LRRC1: variants seen among roughly 807,000 people sequenced by gnomAD.
LRRC1 encodes leucine-rich repeat-containing protein 1.
In LRRC1, 28 loss-of-function variants were observed where a neutral mutation model predicts 69.9. The observed-to-expected ratio is 0.40, with a 90% CI of 0.30 to 0.55. LRRC1 has a LOEUF of 0.55. Among genes scored for constraint, LRRC1 ranks in the 20% least tolerant of loss-of-function variants. The pLI, the probability that LRRC1 is intolerant of heterozygous loss-of-function variation, is 0.47. For missense variants in LRRC1, 498 were observed against 609.0 expected, an observed-to-expected ratio of 0.82 and a Z score of 1.92; for synonymous variants, 236 against 240.2, an observed-to-expected ratio of 0.98 and a Z score of 0.16.
At chr6:53,850,281 A>G (rs1290124333) in intron 2 of LRRC1, among the ~76,000 whole-genome samples, 2 of 152,234 alleles carry the variant, frequency 1.3e-5, no homozygotes, top group Non-Finnish European at 2.9e-5. Flanking sequence ...AAGACATGAA[A>G]GAAGAAAAAG....
intron 10 of LRRC1, among the ~76,000 whole-genome samples, chr6:53,908,307 A>C (rs1581915643): frequency 1.3e-5 from 2 of 152,248 alleles, no homozygotes; most frequent in Non-Finnish European, 2.9e-5. Context: ...TTACCCAGTC[A>C]GATGAGGCAA....
At chr6:53,914,706 G>A (rs1405712068) in intron 11 of LRRC1, among the ~76,000 whole-genome samples, 1 of 152,124 alleles carries the variant, frequency 6.6e-6, no homozygotes, top group South Asian at 2.1e-4. Context: ...ACAGAAACAG[G>A]CTATTCTTTC....
At chr6:53,856,592 T>C (rs1766317207) in intron 2 of LRRC1, among the ~76,000 whole-genome samples, 1 of 152,120 alleles carries the variant, frequency 6.6e-6, no homozygotes, top group Non-Finnish European at 1.5e-5. Flanking sequence ...TGTCTGAAGG[T>C]TTGAAATAGC....
intron 10 of LRRC1, among the ~76,000 whole-genome samples, chr6:53,910,467 C>T (rs766621667): frequency 9.2e-5 from 14 of 152,166 alleles, no homozygotes; most frequent in South Asian, 2.1e-4. Context: ...AATGTCACTG[C>T]GATACATCGT....
chr6:53,894,763 C>G (rs1480095533), intron 4 of LRRC1, among the ~76,000 whole-genome samples: 4 of 152,074 alleles, frequency 2.6e-5, no homozygotes, highest in Non-Finnish European at 5.9e-5. Flanking sequence ...GAAGGAGATA[C>G]TGGGTGGTGT....
At chr6:53,831,409 GC>G (rs1279737825) in intron 1 of LRRC1, among the ~76,000 whole-genome samples, 1 of 151,974 alleles carries the variant, frequency 6.6e-6, no homozygotes, top group Non-Finnish European at 1.5e-5. Flanking sequence ...ATACCCTCCC[GC>G]CCCTTTTGGA....
At chr6:53,807,675 A>AG (rs1764671553) in intron 1 of LRRC1, among the ~76,000 whole-genome samples, 1 of 147,302 alleles carries the variant, frequency 6.8e-6, no homozygotes, top group Non-Finnish European at 1.5e-5. Context: ...AACCCGGGAG[A>AG]TGGAGGTTGC....
At chr6:53,849,890 G>A (rs951249551) in intron 2 of LRRC1, among the ~76,000 whole-genome samples, 5 of 152,144 alleles carry the variant, frequency 3.3e-5, no homozygotes, top group African/African-American at 1.2e-4. Flanking sequence ...CCAGGAACTT[G>A]AGTTTACAAT....
chr6:53,836,433 CAT>C (rs1224677854), intron 1 of LRRC1, among the ~76,000 whole-genome samples: 1 of 152,142 alleles, frequency 6.6e-6, no homozygotes, highest in East Asian at 1.9e-4. Flanking sequence ...TACTGCCAAA[CAT>C]ATAGTGTCCC....
chr6:53,808,308 A>AT (rs922013794), intron 1 of LRRC1, among the ~76,000 whole-genome samples: 1 of 151,856 alleles, frequency 6.6e-6, no homozygotes, highest in African/African-American at 2.4e-5. Flanking sequence ...ATTGATGGGG[A>AT]GGGGGTAGCA....
chr6:53,863,743 A>C (rs991445313), intron 2 of LRRC1, among the ~76,000 whole-genome samples: 1 of 152,166 alleles, frequency 6.6e-6, no homozygotes, highest in African/African-American at 2.4e-5. Flanking sequence ...GATTTAACAG[A>C]ACAGTGTAAT....
intron 1 of LRRC1, among the ~76,000 whole-genome samples, chr6:53,835,554 C>T (rs1765590465): frequency 1.3e-5 from 2 of 152,180 alleles, no homozygotes; most frequent in African/African-American, 4.8e-5. Context: ...TGAGTGTTTG[C>T]TAAAACCCTT....
chr6:53,838,382 T>C (rs999127129), intron 1 of LRRC1, among the ~76,000 whole-genome samples: 1 of 152,220 alleles, frequency 6.6e-6, no homozygotes, highest in African/African-American at 2.4e-5. Context: ...CATGCTGTTA[T>C]GACTTCTATT....
At chr6:53,887,384 T>C (rs1212464690) in intron 4 of LRRC1, among the ~76,000 whole-genome samples, 1 of 152,206 alleles carries the variant, frequency 6.6e-6, no homozygotes, top group Non-Finnish European at 1.5e-5. Flanking sequence ...CCTGCCTTTG[T>C]TGCCAGTAAG....
chr6:53,894,654 T>C (rs1287533921), intron 4 of LRRC1, among the ~76,000 whole-genome samples: 18 of 152,202 alleles, frequency 1.2e-4, no homozygotes, highest in Admixed American at 1.2e-3. Context: ...TGGTTAGGCA[T>C]TACATGGAAA....
chr6:53,909,358 T>C (rs1471041868), intron 10 of LRRC1, among the ~76,000 whole-genome samples: 1 of 152,200 alleles, frequency 6.6e-6, no homozygotes, highest in South Asian at 2.1e-4. Flanking sequence ...CTGGGCAGTT[T>C]CTTAAATAAT....
chr6:53,813,281 A>AG (rs891937155), intron 1 of LRRC1, among the ~76,000 whole-genome samples: 2 of 151,574 alleles, frequency 1.3e-5, no homozygotes, highest in African/African-American at 4.9e-5. Flanking sequence ...TGTGGATTGG[A>AG]GGGGTGTGGT....
At chr6:53,895,321 A>G (rs1202219761) in intron 4 of LRRC1, among the ~76,000 whole-genome samples, 1 of 152,202 alleles carries the variant, frequency 6.6e-6, no homozygotes, top group Non-Finnish European at 1.5e-5. Context: ...GGATTTTTAC[A>G]TTTCATAATA....
At chr6:53,889,640 G>A (rs932034530) in intron 4 of LRRC1, among the ~76,000 whole-genome samples, 7 of 152,130 alleles carry the variant, frequency 4.6e-5, no homozygotes, top group South Asian at 4.1e-4. Flanking sequence ...GTGTTGTGGG[G>A]TGGAGGAATG....
Sources: gnomAD v4.1 joint callset for allele counts (sites outside exome capture counted in the v4.1 genomes callset) on GRCh38, gnomAD v4.1.1 for gene constraint, MANE v1.5 for transcripts, NCBI Gene and HGNC (gene_info 2026-07-23, HGNC 2026-07-21) for gene names.